The following FBXW5 variants were observed in gnomAD, a reference collection of about 807,000 sequenced individuals.
FBXW5 encodes F-box and WD repeat domain containing 5, also known as F-box/WD repeat-containing protein 5.
A neutral mutation model predicts 50.9 loss-of-function variants in FBXW5; 74 were observed. The observed-to-expected ratio is 1.45, with a 90% CI of 1.20 to 1.76. The LOEUF is 1.76. FBXW5 is among the 40% of genes most tolerant of loss of function. The probability of loss-of-function intolerance (pLI) is 0.00; values close to 1 mark genes in which losing one functional copy is unlikely to be tolerated. For synonymous variants in FBXW5, 523 were observed against 362.2 expected (o/e 1.44, Z -5.04); for missense variants, 1,073 against 818.8 (o/e 1.31, Z -3.79).
At position 136,941,842 on chromosome 9, in the gene FBXW5, G is replaced by A. The variant is rs559925532; in HGVS notation, c.1097-158C>T. On this transcript the variant is annotated intron_variant, in intron 6 of 8. Transcript: ENST00000325285. ...GCCCCAGACCTGAATCAGGCCCGTC[G>A]GTTGCTTGCTGGCCAGCGGCCCTGC... 2.4e-5 allele frequency: 35 copies of A among 1,436,550 alleles called. No individual in the cohort carries two copies. The Admixed American group carries it at 4.4e-4, about 18-fold the overall frequency. 89.0% of individuals were successfully genotyped at this position (1,436,550 alleles called of 1,614,324 possible). A position where few individuals can be genotyped will look rare whatever the true frequency, so the allele number is the denominator to read the frequency against.
chr9:136,943,964 C>T lies in FBXW5; in HGVS notation c.120G>A (p.Ser40=), dbSNP rs765085487. 1.1e-5 allele frequency: 17 copies of T among 1,566,678 alleles called. No homozygotes were observed. In the Middle Eastern group the frequency reaches 8.3e-4, roughly 77 times the overall value. ...GLVCRQWQAV[S]RDEFLWREQF... ...GCTCCCTCCACAGGAACTCGTCCCG[C>T]GACACGGCCTGCCATTGGCGGCACA... Residue 40 remains serine (S), a synonymous_variant, in exon 2 of 9, where the codon TCG becomes TCA. Coordinates refer to ENST00000325285, the MANE Select transcript of FBXW5 (RefSeq NM_018998.4).
At chr9:136,943,046 G>T in intron 3 of FBXW5, 103 bp from the exon 4 acceptor site, 1 of 1,559,816 alleles carries the variant, frequency 6.4e-7, no homozygotes, top group African/African-American at 1.3e-5. Context: ...CCTACTCAGA[G>T]GCCACCAGGG....
Position 136,942,657 on chromosome 9 carries a change from A to G in FBXW5, c.565T>C (p.Tyr189His). The change falls in exon 5 of 9, where the codon TAT becomes CAT. Residue 189 changes from tyrosine to histidine, a missense_variant. Transcript: ENST00000325285. ...GTGAGCCAACAGCCAAACACGTCAT[A>G]GGGCTTGTTCCGCACGCGGGACAGC... is the stretch of plus-strand genomic sequence containing the variant. ...ALLSRVRNKP[Y>H]DVFGCWLTET... The G allele has an allele frequency of 6.2e-7, 1 of 1,610,034 alleles. No homozygotes were observed. Among genetic ancestry groups the G allele is most frequent in the Non-Finnish European group, 8.5e-7 (1 of 1,178,868 alleles).
In FBXW5 at chr9:136,941,011, A is replaced by G. The variant is rs1223945382; in HGVS notation, c.1618T>C (p.Ser540Pro). The G allele has an allele frequency of 5.8e-6, 9 of 1,553,914 alleles. No homozygotes were observed. Among genetic ancestry groups the G allele is most frequent in the Non-Finnish European group, 7.0e-6 (8 of 1,148,604 alleles). ...SDDATIKAWR[S>P]PRTMRVLQAP... ...TGGAGGACGCGCATGGTGCGTGGGG[A>G]GCGCCAGGCTTTGATGGTGGCGTCG... is the stretch of plus-strand genomic sequence containing the variant. The change falls in exon 9 of 9, where the codon TCC becomes CCC. Residue 540 changes from serine (S) to proline (P), a missense_variant. Ser to Pro is a moderately conservative substitution (Grantham distance 74). Transcript: ENST00000325285.
chr9:136,941,644 C>G lies in FBXW5; in HGVS notation c.1137G>C (p.Gly379=). 1 of 1,571,142 alleles carries G rather than the reference C, an allele frequency of 6.4e-7. No individual in the cohort carries two copies. The highest frequency in any genetic ancestry group is 1.9e-5 in the Admixed American group (1 of 53,964). ...AGCCCCGGCCCTCACCCAGCACGGG[C>G]CCTGCCGTGGTCATCTGGTGTGGCA... is the stretch of plus-strand genomic sequence containing the variant. The part of the protein sequence containing the change: ...QILPHQMTTA[G]PVLGEGRGSD... The change falls in exon 7 of 9, where the codon GGG becomes GGC. Residue 379 remains glycine, a synonymous_variant. Transcript: ENST00000325285.
intron 3 of FBXW5, 26 bp from the exon 4 acceptor site, chr9:136,942,969 ATCGCC>A: frequency 6.2e-7 from 1 of 1,610,634 alleles, no homozygotes; most frequent in Non-Finnish European, 8.5e-7. Context: ...GGCTGTAGTG[ATCGCC>A]TGGCCAGGTC....
rs751766961 is a variant in FBXW5 at position 136,942,681 on chromosome 9, G to C, written c.541C>G (p.Leu181Val). Residue 181 changes from leucine to valine, a missense_variant, in exon 5 of 9, where the codon CTG (leucine) becomes GTG (valine). Coordinates refer to ENST00000325285, the MANE Select transcript of FBXW5 (RefSeq NM_018998.4). ...TAGGGCTTGTTCCGCACGCGGGACA[G>C]CAGCGCGAAGGAGTCTGTGGGGAGG... ...AVISLDSFALLSRVRNKPYDV... is the reference protein window; with the variant it reads ...AVISLDSFALVSRVRNKPYDV... The C allele has an allele frequency of 6.8e-6, 11 of 1,610,758 alleles. No homozygotes were observed. Among genetic ancestry groups the C allele is most frequent in the Non-Finnish European group, 9.3e-6 (11 of 1,179,124 alleles).
At chr9:136,943,243 G>GGGGGGGGC in intron 3 of FBXW5, 106 bp downstream of exon 3, 16 of 1,176,268 alleles carry the variant, frequency 1.4e-5, no homozygotes, top group Non-Finnish European at 1.9e-5. Flanking sequence ...CCTCTGGCCT[G>GGGGGGGGC]ACCCACCCCC....
In FBXW5 at chr9:136,942,801, GA is replaced by G. The variant is rs746780893; in HGVS notation, c.493del (p.Ser165ProfsTer11). 95 of 1,613,098 alleles carry G rather than the reference GA, an allele frequency of 5.9e-5. No homozygotes were observed. Among genetic ancestry groups the G allele is most frequent in the Non-Finnish European group, 8.0e-5 (94 of 1,179,962 alleles). ...ASGVFLGPHNSSSGEIAVISL... is the reference protein window; with the variant it reads ...ASGVFLGPHNXSSGEIAVISL... ...GATGACAGCAATCTCGCCGGATGAG[GA>G]GTTGTGCGGCCCCAGGAACACCCCC... On this transcript the variant is annotated frameshift_variant, in exon 4 of 9. Transcript: ENST00000325285. LOFTEE classifies it high-confidence loss of function.
chr9:136,944,197 G>A, intron 1 of FBXW5, 91 bp from the exon 2 acceptor site: 3 of 1,355,452 alleles, frequency 2.2e-6, no homozygotes, highest in Non-Finnish European at 2.9e-6. Context: ...CCGTCCCGCC[G>A]GGAGTTCCAC....
chr9:136,943,964 C>A lies in FBXW5; in HGVS notation c.120G>T (p.Ser40=). Residue 40 remains serine, a synonymous_variant, in exon 2 of 9, where the codon TCG becomes TCT. Transcript: ENST00000325285. ...GCTCCCTCCACAGGAACTCGTCCCG[C>A]GACACGGCCTGCCATTGGCGGCACA... ...GLVCRQWQAV[S]RDEFLWREQF... 3 of 1,566,678 alleles carry A rather than the reference C, an allele frequency of 1.9e-6. No individual in the cohort carries two copies. Among genetic ancestry groups the A allele is most frequent in the East Asian group, 2.4e-5 (1 of 41,792 alleles).
chr9:136,943,752 C>A, intron 2 of FBXW5, 139 bp downstream of exon 2: 1 of 1,088,356 alleles, frequency 9.2e-7, no homozygotes. Flanking sequence ...TGTGTCCTGA[C>A]AGGCCTCTAT....
rs1270077120 is a variant in FBXW5 at position 136,941,694 on chromosome 9, G to A, written c.1097-10C>T. 1.3e-6 allele frequency: 2 copies of A among 1,549,760 alleles called. No individual in the cohort carries two copies. The highest frequency in any genetic ancestry group is 2.4e-5 in the East Asian group (1 of 41,084). On this transcript the variant is annotated splice_polypyrimidine_tract_variant and intron_variant, in intron 6 of 8. Transcript: ENST00000325285. ...AGGATCTGCTTGATGCCTGCAGGGA[G>A]GGCTACGGTGAGGGTCCCTGTCCAA...
chr9:136,942,667 CCGCA>C lies in FBXW5; in HGVS notation c.551_554del (p.Val184GlyfsTer51). 2.5e-6 allele frequency: 4 copies of C among 1,610,272 alleles called. No individual in the cohort carries two copies. The highest frequency in any genetic ancestry group is 3.4e-6 in the Non-Finnish European group (4 of 1,178,906). ...AGCCAAACACGTCATAGGGCTTGTT[CCGCA>C]CGCGGGACAGCAGCGCGAAGGAGTC... On this transcript the variant is annotated frameshift_variant, in exon 5 of 9. Coordinates refer to ENST00000325285, the MANE Select transcript of FBXW5 (RefSeq NM_018998.4). LOFTEE classifies it high-confidence loss of function.
intron 6 of FBXW5, 29 bp downstream of exon 6, chr9:136,942,017 A>AGGC (rs1176073372): frequency 1.3e-6 from 2 of 1,579,080 alleles, no homozygotes; most frequent in Admixed American, 3.4e-5. Flanking sequence ...CCTAGGACCG[A>AGGC]GGCGGGCAGC....
Position 136,943,521 on chromosome 9 carries a change from T to C in FBXW5, c.194-15A>G, listed in dbSNP as rs370810053. The C allele has an allele frequency of 1.8e-5, 29 of 1,603,434 alleles. No homozygotes were observed. Among genetic ancestry groups the C allele is most frequent in the Non-Finnish European group, 2.4e-5 (28 of 1,173,126 alleles). On this transcript the variant is annotated splice_polypyrimidine_tract_variant and intron_variant, in intron 2 of 8. Transcript: ENST00000325285. Reference sequence around the variant, plus strand: ...GGACATGGCCGCTGCGGGTGGGCAGTTGTCAGTCCTGGGCCCGGGCCTTCC... The same window carrying C: ...GGACATGGCCGCTGCGGGTGGGCAGCTGTCAGTCCTGGGCCCGGGCCTTCC...
rs1850819635 is a variant in FBXW5 at position 136,942,478 on chromosome 9, G to A, written c.676-12C>T. 1.1e-5 allele frequency: 18 copies of A among 1,599,594 alleles called. No individual in the cohort carries two copies. The highest frequency in any genetic ancestry group is 1.5e-5 in the Non-Finnish European group (18 of 1,170,042). ...TCTGACTCCACATCCTGGGGGCGGG[G>A]GCACGTGCCAGGTGGGCGCCGGGCG... On this transcript the variant is annotated splice_polypyrimidine_tract_variant and intron_variant, in intron 5 of 8. Transcript: ENST00000325285.
At chr9:136,943,636 T>C in intron 2 of FBXW5, 130 bp from the exon 3 acceptor site, 7 of 1,294,964 alleles carry the variant, frequency 5.4e-6, no homozygotes, top group Non-Finnish European at 7.3e-6. Context: ...GGCATAGGCC[T>C]CGGCTGGGGG....
chr9:136,940,886 GTCC>G lies in FBXW5; in HGVS notation c.*39_*41del, dbSNP rs904476045. ...GGAAAAAGCCACAGAGCCTGGCGAT[GTCC>G]TCAAGGGGTCCCGGTGGCTCCAGTG... On this transcript the variant is annotated 3_prime_UTR_variant, in exon 9 of 9. Coordinates refer to ENST00000325285, the MANE Select transcript of FBXW5 (RefSeq NM_018998.4). 14 of 1,552,576 alleles carry G rather than the reference GTCC, an allele frequency of 9.0e-6. No individual in the cohort carries two copies. Among genetic ancestry groups the G allele is most frequent in the Non-Finnish European group, 1.2e-5 (14 of 1,150,612 alleles).
Sources: gnomAD v4.1 joint callset for allele counts on GRCh38, gnomAD v4.1.1 for gene constraint, MANE v1.5 for transcripts, NCBI Gene and HGNC (gene_info 2026-07-23, HGNC 2026-07-21) for gene names.